The following ATP10A variants were observed in gnomAD, a reference collection of about 807,000 sequenced individuals.
ATP10A encodes the protein ATPase phospholipid transporting 10A (putative).
In ATP10A, 111 loss-of-function variants were observed where a neutral mutation model predicts 147.8. That is an observed-to-expected ratio of 0.75 (90% CI 0.64 to 0.88). ATP10A has a LOEUF of 0.88. Among genes scored for constraint, ATP10A ranks in the 40% least tolerant of loss-of-function variants. The probability of loss-of-function intolerance (pLI) is 0.00; values close to 1 mark genes in which losing one functional copy is unlikely to be tolerated. For synonymous variants in ATP10A, 875 were observed against 841.6 expected (o/e 1.04, Z -0.69); for missense variants, 1,927 against 1,959.0 (o/e 0.98, Z 0.31).
intron 1 of ATP10A, among the ~76,000 whole-genome samples, chr15:25,831,920 A>G (rs1892373296): frequency 6.6e-6 from 1 of 152,202 alleles, no homozygotes; most frequent in Non-Finnish European, 1.5e-5. Flanking sequence ...GTCCCCCAAA[A>G]TTCATGTCCA....
intron 10 of ATP10A, among the ~76,000 whole-genome samples, chr15:25,711,703 G>C (rs1901431689): frequency 1.3e-5 from 2 of 152,114 alleles, no homozygotes; most frequent in East Asian, 3.9e-4. Flanking sequence ...GTCATTACCT[G>C]GCCCTTCCAT....
intron 4 of ATP10A, 53 bp from the exon 5 acceptor site, chr15:25,726,135 C>T (rs1040453115): frequency 9.5e-6 from 15 of 1,583,886 alleles, no homozygotes; most frequent in Non-Finnish European, 1.3e-5. Flanking sequence ...GCTAAGGGAC[C>T]AGCTGCATGG....
intron 4 of ATP10A, among the ~76,000 whole-genome samples, chr15:25,726,609 T>C (rs183883449): frequency 0.028 from 4,316 of 151,948 alleles, 94 homozygotes; most frequent in Middle Eastern, 0.044. Context: ...GCCCAGCTAA[T>C]TTTTTGTGTG....
chr15:25,792,529 G>A (rs577047662), intron 1 of ATP10A, among the ~76,000 whole-genome samples: 37 of 152,360 alleles, frequency 2.4e-4, no homozygotes, highest in Non-Finnish European at 4.1e-4. Flanking sequence ...GTGGGTGACA[G>A]ATGTTGCATG....
chr15:25,687,838 G>A lies in ATP10A; in HGVS notation c.3166-10C>T. ...CGCTGGCCATCACTGCCTTCAAAGG[G>A]AGAGGGATTCCTGTTACTGGTGATG... On this transcript the variant is annotated splice_polypyrimidine_tract_variant and intron_variant, in intron 15 of 20. Coordinates refer to ENST00000555815, the MANE Select transcript of ATP10A (RefSeq NM_024490.4). 6.2e-7 allele frequency: 1 copy of A among 1,613,830 alleles called. No homozygotes were observed. Among genetic ancestry groups the A allele is most frequent in the African/African-American group, 1.3e-5 (1 of 75,012 alleles).
At position 25,718,045 on chromosome 15, in the gene ATP10A, G is replaced by T. The variant is rs372990108; in HGVS notation, c.1581+137C>A. The T allele has an allele frequency of 6.5e-4, 569 of 877,594 alleles. 5 individuals carry two copies. The East Asian group carries it at 0.013, about 21-fold the overall frequency. The allele number at this position is 877,594 out of a possible 1,614,324, so 54.4% of individuals were successfully genotyped here. On this transcript the variant is annotated intron_variant, in intron 8 of 20. Coordinates refer to ENST00000555815, the MANE Select transcript of ATP10A (RefSeq NM_024490.4). ...TGGAGAGAAAGTGTTGGCCAGAAAA[G>T]CTTCTGCTGAGTAGAGCCAAGCCGC...
At chr15:25,736,273 C>T in intron 2 of ATP10A, 132 bp from the exon 3 acceptor site, 1 of 714,276 alleles carries the variant, frequency 1.4e-6, no homozygotes, top group Admixed American at 2.1e-5. Flanking sequence ...ATGAATCTCT[C>T]TGGAAAGCCA....
chr15:25,803,871 C>A (rs1891048904), intron 1 of ATP10A, among the ~76,000 whole-genome samples: 1 of 152,248 alleles, frequency 6.6e-6, no homozygotes, highest in Non-Finnish European at 1.5e-5. Flanking sequence ...CCTCTCCTGG[C>A]ACGCACGTGC....
chr15:25,810,769 G>A (rs1891394613), intron 1 of ATP10A, among the ~76,000 whole-genome samples: 2 of 152,116 alleles, frequency 1.3e-5, no homozygotes, highest in African/African-American at 4.8e-5. Context: ...GCACGCCAGG[G>A]ATTCCAACAC....
chr15:25,860,932 C>A (rs1278623748), intron 1 of ATP10A, among the ~76,000 whole-genome samples: 1 of 152,160 alleles, frequency 6.6e-6, no homozygotes, highest in East Asian at 1.9e-4. Flanking sequence ...TCAGTAATAA[C>A]AGGAAGTGGT....
intron 1 of ATP10A, among the ~76,000 whole-genome samples, chr15:25,822,927 G>A (rs1287097734): frequency 6.6e-6 from 1 of 151,634 alleles, no homozygotes; most frequent in Non-Finnish European, 1.5e-5. Context: ...ATCTAGGATT[G>A]TAAATTCTAC....
intron 12 of ATP10A, among the ~76,000 whole-genome samples, chr15:25,704,968 C>T (rs1001464303): frequency 2.6e-5 from 4 of 152,068 alleles, no homozygotes; most frequent in Non-Finnish European, 5.9e-5. Context: ...ATTTCACCAA[C>T]GAGGAAGTTT....
At chr15:25,765,669 C>G (rs1293989487) in intron 2 of ATP10A, among the ~76,000 whole-genome samples, 1 of 152,248 alleles carries the variant, frequency 6.6e-6, no homozygotes, top group Non-Finnish European at 1.5e-5. Flanking sequence ...CAATTCTCAT[C>G]TAATACCCAA....
At chr15:25,825,537 C>T (rs1048468823) in intron 1 of ATP10A, among the ~76,000 whole-genome samples, 1 of 152,040 alleles carries the variant, frequency 6.6e-6, no homozygotes, top group South Asian at 2.1e-4. Context: ...TGAAGGTGTG[C>T]CCAAAACATG....
At chr15:25,785,348 G>A (rs999416220) in intron 1 of ATP10A, among the ~76,000 whole-genome samples, 3 of 152,206 alleles carry the variant, frequency 2.0e-5, no homozygotes, top group Non-Finnish European at 4.4e-5. Context: ...GTAAGGACAG[G>A]GAGAACATGG....
At chr15:25,833,207 T>C (rs1224177317) in intron 1 of ATP10A, among the ~76,000 whole-genome samples, 1 of 152,142 alleles carries the variant, frequency 6.6e-6, no homozygotes, top group African/African-American at 2.4e-5. Context: ...GGTTTCGAAC[T>C]GCTGGCCTCA....
chr15:25,840,888 T>A (rs1339234345), intron 1 of ATP10A, among the ~76,000 whole-genome samples: 3 of 152,206 alleles, frequency 2.0e-5, no homozygotes, highest in Non-Finnish European at 4.4e-5. Flanking sequence ...TGCATTTCCC[T>A]GTTTTGTAAA....
intron 1 of ATP10A, among the ~76,000 whole-genome samples, chr15:25,808,288 CA>C (rs1891283515): frequency 6.6e-6 from 1 of 152,196 alleles, no homozygotes; most frequent in Non-Finnish European, 1.5e-5. Flanking sequence ...TTAATGGTCA[CA>C]TGAGGAAGAG....
At chr15:25,860,728 C>A (rs60642446) in intron 1 of ATP10A, among the ~76,000 whole-genome samples, 2 of 152,054 alleles carry the variant, frequency 1.3e-5, no homozygotes, top group African/African-American at 4.8e-5. Flanking sequence ...TCCCATGAAG[C>A]CTTACAAGGT....
Sources: allele counts gnomAD v4.1 joint callset (sites outside exome capture counted in the v4.1 genomes callset), GRCh38; gene constraint gnomAD v4.1.1; transcripts MANE v1.5; gene names NCBI Gene and HGNC (gene_info 2026-07-23, HGNC 2026-07-21).